The following ARNT2 variants were observed in gnomAD, a reference collection of about 807,000 sequenced individuals.
ARNT2 encodes the protein aryl hydrocarbon receptor nuclear translocator 2.
A neutral mutation model predicts 91.7 loss-of-function variants in ARNT2; 36 were observed. The ratio of observed to expected loss-of-function variants is 0.39; its 90% CI spans 0.30 to 0.52. ARNT2 has a LOEUF of 0.52. Among genes scored for constraint, ARNT2 ranks in the 20% least tolerant of loss-of-function variants. ARNT2 has a pLI of 0.72. For missense variants in ARNT2, 775 were observed against 939.3 expected, an observed-to-expected ratio of 0.83 and a Z score of 2.29; for synonymous variants, 365 against 347.1, an observed-to-expected ratio of 1.05 and a Z score of -0.57.
intron 8 of ARNT2, among the ~76,000 whole-genome samples, chr15:80,541,948 G>A (rs545706690): frequency 3.9e-5 from 6 of 152,310 alleles, no homozygotes; most frequent in African/African-American, 1.2e-4. Context: ...AGGTTCACTG[G>A]CAGTTGGATC....
intron 5 of ARNT2, among the ~76,000 whole-genome samples, chr15:80,494,575 A>G (rs28618146): frequency 0.02 from 3,087 of 152,352 alleles, 55 homozygotes; most frequent in East Asian, 0.055. Context: ...ATTAAATAGC[A>G]GAAGAGGTGC....
chr15:80,480,987 C>G (rs1407717746), intron 5 of ARNT2, among the ~76,000 whole-genome samples: 1 of 152,222 alleles, frequency 6.6e-6, no homozygotes, highest in East Asian at 1.9e-4. Flanking sequence ...GAATCCCCAG[C>G]TGTTGTTGAA....
intron 5 of ARNT2, among the ~76,000 whole-genome samples, chr15:80,490,613 G>A (rs189469541): frequency 9.8e-5 from 15 of 152,302 alleles, no homozygotes; most frequent in South Asian, 6.2e-4. Context: ...TGCAGACCCC[G>A]CCCCACAGTC....
At chr15:80,586,840 CAAAAA>C (rs10679933) in intron 17 of ARNT2, among the ~76,000 whole-genome samples, 3 of 113,078 alleles carry the variant, frequency 2.7e-5, no homozygotes, top group Non-Finnish European at 6.1e-5. Flanking sequence ...GACTCCATTT[CAAAAA>C]AAAAAAAAAA....
intron 12 of ARNT2, among the ~76,000 whole-genome samples, chr15:80,563,870 T>C (rs1444835683): frequency 6.6e-6 from 1 of 152,168 alleles, no homozygotes; most frequent in African/African-American, 2.4e-5. Flanking sequence ...CTTCCTCTCT[T>C]CACCTCCCTC....
chr15:80,487,934 T>C (rs1897001822), intron 5 of ARNT2: 1 of 152,214 alleles, frequency 6.6e-6, no homozygotes, highest in African/African-American at 2.4e-5. Flanking sequence ...GCACAGGGCT[T>C]ACAGGGAATC....
intron 10 of ARNT2, 99 bp from the exon 11 acceptor site, chr15:80,554,966 G>A: frequency 7.7e-7 from 1 of 1,302,420 alleles, no homozygotes; most frequent in Non-Finnish European, 1.1e-6. Flanking sequence ...TAAAGGAGAT[G>A]AGTTAAAGGA....
chr15:80,521,137 C>T (rs1897539141), intron 8 of ARNT2, among the ~76,000 whole-genome samples: 1 of 152,136 alleles, frequency 6.6e-6, no homozygotes, highest in Non-Finnish European at 1.5e-5. Context: ...CTGAGATAGA[C>T]AATTCTGATG....
At chr15:80,521,887 C>A (rs1230499001) in intron 8 of ARNT2, among the ~76,000 whole-genome samples, 3 of 152,062 alleles carry the variant, frequency 2.0e-5, no homozygotes, top group Admixed American at 2.0e-4. Context: ...TGATCCAAGT[C>A]CTATCTCTGA....
chr15:80,418,146 G>T (rs1895813033), intron 1 of ARNT2, among the ~76,000 whole-genome samples: 1 of 152,168 alleles, frequency 6.6e-6, no homozygotes, highest in African/African-American at 2.4e-5. Context: ...GCAGTGAAAA[G>T]TTGGGGAGGA....
At chr15:80,468,207 T>C (rs914057667) in intron 3 of ARNT2, among the ~76,000 whole-genome samples, 3 of 151,976 alleles carry the variant, frequency 2.0e-5, no homozygotes, top group African/African-American at 4.8e-5. Context: ...TGCAGAGTTA[T>C]CCTTTGTGGG....
At chr15:80,462,930 T>C (rs1265727446) in intron 3 of ARNT2, among the ~76,000 whole-genome samples, 1 of 152,234 alleles carries the variant, frequency 6.6e-6, no homozygotes, top group Non-Finnish European at 1.5e-5. Context: ...CTTGTAGGCA[T>C]TTTCCCCCCT....
In ARNT2 at chr15:80,596,060, A is replaced by T; in HGVS notation, c.*2362A>T. 1 of 152,182 alleles carries T rather than the reference A, an allele frequency of 6.6e-6. No homozygotes were observed. The highest frequency in any genetic ancestry group is 2.1e-4 in the South Asian group (1 of 4,826). 9.4% of individuals were successfully genotyped at this position (152,182 alleles called of 1,614,324 possible). A position where few individuals can be genotyped will look rare whatever the true frequency, so the allele number is the denominator to read the frequency against. On this transcript the variant is annotated 3_prime_UTR_variant, in exon 19 of 19. Transcript: ENST00000303329. ...AGGCTTTTCTTAGGTGCATACACAGACCCAGGTGAACACGCTGACTGTGAA... is the reference window on the plus strand; with the variant it reads ...AGGCTTTTCTTAGGTGCATACACAGTCCCAGGTGAACACGCTGACTGTGAA...
At chr15:80,566,757 C>A (rs1440424888) in intron 12 of ARNT2, among the ~76,000 whole-genome samples, 1 of 152,224 alleles carries the variant, frequency 6.6e-6, no homozygotes, top group Non-Finnish European at 1.5e-5. Context: ...CAACCAGCTC[C>A]TCTTTGTTAA....
chr15:80,474,888 A>T (rs1896777879), intron 4 of ARNT2, 122 bp from the exon 5 acceptor site: 2 of 1,041,080 alleles, frequency 1.9e-6, no homozygotes, highest in East Asian at 4.8e-5. Flanking sequence ...CATTTCCCAA[A>T]CTATTTGTGT....
At chr15:80,440,472 G>A (rs149940089) in intron 1 of ARNT2, among the ~76,000 whole-genome samples, 1 of 152,312 alleles carries the variant, frequency 6.6e-6, no homozygotes, top group African/African-American at 2.4e-5. Context: ...AGCCCACAGG[G>A]TGGAGAAGGA....
intron 8 of ARNT2, among the ~76,000 whole-genome samples, chr15:80,548,350 G>A (rs74027836): frequency 0.012 from 1,794 of 152,218 alleles, 38 homozygotes; most frequent in African/African-American, 0.042. Context: ...AGAAAGCCCT[G>A]AGACATTTCC....
chr15:80,555,046 G>T lies in ARNT2; in HGVS notation c.1090-19G>T, dbSNP rs752187496. ...TACAAATGGATCTGGGATTATTAAA[G>T]CTTGTCTCTTTTATTTAGGATCTTC... On this transcript the variant is annotated intron_variant, in intron 10 of 18. Coordinates refer to ENST00000303329, the MANE Select transcript of ARNT2 (RefSeq NM_014862.4). 1.2e-6 allele frequency: 2 copies of T among 1,609,298 alleles called. No homozygotes were observed. Among genetic ancestry groups the T allele is most frequent in the Non-Finnish European group, 1.7e-6 (2 of 1,175,632 alleles).
chr15:80,581,201 G>A (rs760468681), intron 16 of ARNT2, 38 bp from the exon 17 acceptor site: 3 of 1,609,428 alleles, frequency 1.9e-6, no homozygotes, highest in East Asian at 2.2e-5. Context: ...GGGTCTGCTG[G>A]TGATGCTTTC....
Sources: allele counts gnomAD v4.1 joint callset (sites outside exome capture counted in the v4.1 genomes callset), GRCh38; gene constraint gnomAD v4.1.1; transcripts MANE v1.5; gene names NCBI Gene and HGNC (gene_info 2026-07-23, HGNC 2026-07-21).